The following TMOD3 variants were observed in gnomAD, a reference collection of about 807,000 sequenced individuals.
TMOD3 encodes tropomodulin-3.
TMOD3 carries 20 observed loss-of-function variants against 39.2 expected under a neutral mutation model. That is an observed-to-expected ratio of 0.51 (90% CI 0.36 to 0.74). TMOD3 has a LOEUF of 0.74. TMOD3 is among the 30% of genes least tolerant of loss of function. TMOD3 has a pLI of 0.00. For synonymous variants in TMOD3, 143 were observed against 145.8 expected (o/e 0.98, Z 0.14); for missense variants, 381 against 412.8 (o/e 0.92, Z 0.67).
chr15:51,831,687 TAA>T (rs2056255884), intron 1 of TMOD3, among the ~76,000 whole-genome samples: 1 of 152,230 alleles, frequency 6.6e-6, no homozygotes, highest in East Asian at 1.9e-4. Context: ...ATTGTCATCA[TAA>T]GTTTTTCTCC....
intron 3 of TMOD3, among the ~76,000 whole-genome samples, chr15:51,873,920 C>T (rs978313552): frequency 3.3e-5 from 5 of 152,126 alleles, no homozygotes; most frequent in South Asian, 2.1e-4. Context: ...TGCACCTGGC[C>T]GACTGCTTAA....
At chr15:51,861,693 T>C (rs2056419830) in intron 1 of TMOD3, among the ~76,000 whole-genome samples, 1 of 151,104 alleles carries the variant, frequency 6.6e-6, no homozygotes, top group South Asian at 2.1e-4. Flanking sequence ...GGTCTTGCTA[T>C]GTCACCCAGG....
chr15:51,913,240 G>T lies in TMOD3; in HGVS notation c.*4430G>T, dbSNP rs1238641772. On this transcript the variant is annotated 3_prime_UTR_variant, in exon 10 of 10. Coordinates refer to ENST00000308580, the MANE Select transcript of TMOD3 (RefSeq NM_014547.5). Reference sequence around the variant, plus strand: ...ACTCGCCTCGGCCTCCCAAAGTGCTGGGATTACAGGCTTGAGCCACCACAC... The same window carrying T: ...ACTCGCCTCGGCCTCCCAAAGTGCTTGGATTACAGGCTTGAGCCACCACAC... The T allele has an allele frequency of 3.9e-5, 6 of 152,222 alleles. No homozygotes were observed. Among genetic ancestry groups the T allele is most frequent in the Non-Finnish European group, 8.8e-5 (6 of 68,070 alleles). 9.4% of individuals were successfully genotyped at this position (152,222 alleles called of 1,614,324 possible). A position where few individuals can be genotyped will look rare whatever the true frequency, so the allele number is the denominator to read the frequency against.
chr15:51,864,815 C>T (rs77876041), intron 2 of TMOD3, among the ~76,000 whole-genome samples: 5,575 of 151,856 alleles, frequency 0.037, 130 homozygotes, highest in Non-Finnish European at 0.05. Context: ...GGTAAGTGAG[C>T]GTTAGATAAA....
intron 4 of TMOD3, among the ~76,000 whole-genome samples, chr15:51,888,412 G>A (rs975099443): frequency 6.6e-6 from 1 of 152,206 alleles, no homozygotes; most frequent in African/African-American, 2.4e-5. Flanking sequence ...AGTCTTACGG[G>A]TTGAGGGACT....
At position 51,876,969 on chromosome 15, in the gene TMOD3, G is replaced by T. The variant is rs140822752; in HGVS notation, c.283+7596G>T. On this transcript the variant is annotated intron_variant, in intron 3 of 9. Coordinates refer to ENST00000308580, the MANE Select transcript of TMOD3 (RefSeq NM_014547.5). ...TTCCAGTTACTCCGGAGGCTGAGGT[G>T]GGAGGATGGCTTGAGCCTACGAGTT... Among the ~76,000 whole-genome samples the T allele has an allele frequency of 3.8e-3, 571 of 152,180 alleles. 6 individuals carry two copies. Among genetic ancestry groups the T allele is most frequent in the African/African-American group, 0.013 (556 of 41,530 alleles).
At chr15:51,843,890 C>A (rs1054184095) in intron 1 of TMOD3, among the ~76,000 whole-genome samples, 3 of 25,584 alleles carry the variant, frequency 1.2e-4, no homozygotes, top group African/African-American at 6.1e-4. Context: ...TCGCAGATTG[C>A]TAGTTTTTTT....
chr15:51,864,289 A>G (rs190721919), intron 2 of TMOD3, among the ~76,000 whole-genome samples: 3 of 147,802 alleles, frequency 2.0e-5, no homozygotes, highest in Admixed American at 1.4e-4. Flanking sequence ...AAAAACTGGA[A>G]AAAGCATAAG....
chr15:51,867,971 C>T (rs978571165), intron 2 of TMOD3, among the ~76,000 whole-genome samples: 15 of 152,200 alleles, frequency 9.9e-5, no homozygotes, highest in Non-Finnish European at 2.2e-4. Flanking sequence ...CGTGTGGAAA[C>T]CCAGGAACAT....
intron 2 of TMOD3, among the ~76,000 whole-genome samples, chr15:51,866,249 G>A (rs192177182): frequency 1.1e-3 from 164 of 152,172 alleles, no homozygotes; most frequent in African/African-American, 3.5e-3. Flanking sequence ...AAGAGCAGGA[G>A]TTCCAGACCA....
intron 1 of TMOD3, 65 bp from the exon 2 acceptor site, chr15:51,862,746 G>T (rs1339184440): frequency 1.5e-6 from 1 of 688,604 alleles, no homozygotes; most frequent in Non-Finnish European, 2.2e-6. Flanking sequence ...CTTAACCTGA[G>T]AATTAGATCT....
At chr15:51,847,881 C>T (rs557587650) in intron 1 of TMOD3, among the ~76,000 whole-genome samples, 2 of 152,264 alleles carry the variant, frequency 1.3e-5, no homozygotes, top group African/African-American at 4.8e-5. Flanking sequence ...AATGTCTGTA[C>T]CTTCCTAAAA....
At chr15:51,886,834 T>C (rs1289224224) in intron 3 of TMOD3, among the ~76,000 whole-genome samples, 2 of 152,166 alleles carry the variant, frequency 1.3e-5, no homozygotes, top group East Asian at 1.9e-4. Context: ...ACTCAGGACA[T>C]AGAAATTTGT....
intron 3 of TMOD3, among the ~76,000 whole-genome samples, chr15:51,886,165 C>T (rs537333535): frequency 2.2e-4 from 34 of 151,586 alleles, no homozygotes; most frequent in Admixed American, 9.9e-4. Flanking sequence ...CAGGAAGAGG[C>T]GCTCCTCACT....
chr15:51,894,030 A>C, intron 6 of TMOD3, 85 bp downstream of exon 6: 1 of 1,236,980 alleles, frequency 8.1e-7, no homozygotes, highest in Non-Finnish European at 1.1e-6. Flanking sequence ...AAAATAGTCT[A>C]ATTCTTTCTA....
chr15:51,889,848 T>C (rs922940365), intron 5 of TMOD3, among the ~76,000 whole-genome samples: 3 of 152,102 alleles, frequency 2.0e-5, no homozygotes, highest in African/African-American at 7.2e-5. Flanking sequence ...TGGGCAACAG[T>C]GCAAGACCCT....
chr15:51,843,791 T>A (rs754950312), intron 1 of TMOD3, among the ~76,000 whole-genome samples: 1 of 152,140 alleles, frequency 6.6e-6, no homozygotes, highest in Non-Finnish European at 1.5e-5. Flanking sequence ...GTTTCAGGAT[T>A]TCAATTAAAT....
At chr15:51,831,691 T>C (rs1002287644) in intron 1 of TMOD3, among the ~76,000 whole-genome samples, 1 of 152,156 alleles carries the variant, frequency 6.6e-6, no homozygotes, top group Non-Finnish European at 1.5e-5. Context: ...TCATCATAAG[T>C]TTTTCTCCTT....
At chr15:51,872,600 G>GT (rs58973705) in intron 3 of TMOD3, among the ~76,000 whole-genome samples, 11,165 of 129,766 alleles carry the variant, frequency 0.086, 1,225 homozygotes, top group African/African-American at 0.24. Context: ...GACCAAATTT[G>GT]TTTTTTTTTT....
Sources: allele counts gnomAD v4.1 joint callset (sites outside exome capture counted in the v4.1 genomes callset), GRCh38; gene constraint gnomAD v4.1.1; transcripts MANE v1.5; gene names NCBI Gene and HGNC (gene_info 2026-07-23, HGNC 2026-07-21).